Variants in FSIP2 observed in about 807,000 individuals in gnomAD.
The protein encoded by FSIP2 is fibrous sheath-interacting protein 2.
A neutral mutation model predicts 510.5 loss-of-function variants in FSIP2; 367 were observed. The observed-to-expected ratio is 0.72, with a 90% CI of 0.66 to 0.78. FSIP2 has a LOEUF of 0.78. Ranked by LOEUF, FSIP2 falls within the 30% of genes least tolerant of loss-of-function variation. The pLI is 0.00. For missense variants in FSIP2, 7,594 were observed against 7,901.7 expected, an observed-to-expected ratio of 0.96 and a Z score of 1.48; for synonymous variants, 2,601 against 2,732.2, an observed-to-expected ratio of 0.95 and a Z score of 1.50.
intron 13 of FSIP2, among the ~76,000 whole-genome samples, chr2:185,767,923 G>C (rs1453745512): frequency 6.6e-6 from 1 of 152,054 alleles, no homozygotes; most frequent in South Asian, 2.1e-4. Context: ...CGATCATAAG[G>C]TAATTGTTGA....
Position 185,801,944 on chromosome 2 carries a change from T to C in FSIP2, c.12638T>C (p.Met4213Thr). The C allele has an allele frequency of 6.6e-7, 1 of 1,519,994 alleles. No homozygotes were observed. The highest frequency in any genetic ancestry group is 8.8e-7 in the Non-Finnish European group (1 of 1,138,170). 94.2% of individuals were successfully genotyped at this position (1,519,994 alleles called of 1,614,324 possible). The change falls in exon 17 of 23, where the codon ATG (methionine) becomes ACG (threonine). Residue 4213 changes from methionine to threonine, a missense_variant. By Grantham distance (81) the Met-to-Thr change is moderately conservative. Transcript: ENST00000424728. ...TATACTGGAAAAAACCTCCAAAAGA[T>C]GGTGGATTCTGTATATTGTAATATT... The part of the protein sequence containing the change: ...YLYTGKNLQK[M>T]VDSVYCNILQ...
chr2:185,800,677 T>C lies in FSIP2; in HGVS notation c.11371T>C (p.Leu3791=), dbSNP rs904258910. Residue 3791 remains leucine, a synonymous_variant, in exon 17 of 23, where the codon TTA becomes CTA. Transcript: ENST00000424728. ...AACATCAGCAGAAGAATGTCAACTTTTAAAAATGCTTCAAAGTGTAGAAGA... is the reference window on the plus strand; with the variant it reads ...AACATCAGCAGAAGAATGTCAACTTCTAAAAATGCTTCAAAGTGTAGAAGA... ...EETSAEECQL[L]KMLQSVEDGK... 1.3e-6 allele frequency: 2 copies of C among 1,534,064 alleles called. No individual in the cohort carries two copies. The highest frequency in any genetic ancestry group is 2.7e-5 in the African/African-American group (2 of 72,874).
In FSIP2 at chr2:185,808,435, G is replaced by C. The variant is rs990306938; in HGVS notation, c.19129G>C (p.Glu6377Gln). Reference sequence around the variant, plus strand: ...AGATGAAAAAAACTTATCAAAGACTGAGTTAAATAAAATTGCATCTCAACT... The same window carrying C: ...AGATGAAAAAAACTTATCAAAGACTCAGTTAAATAAAATTGCATCTCAACT... ...SKDEKNLSKT[E>Q]LNKIASQLSK... The change falls in exon 17 of 23, where the codon GAG (glutamate) becomes CAG (glutamine). Residue 6377 changes from glutamate (E) to glutamine (Q), a missense_variant. Coordinates refer to ENST00000424728, the MANE Select transcript of FSIP2 (RefSeq NM_173651.4). The C allele has an allele frequency of 8.7e-6, 14 of 1,605,726 alleles. No homozygotes were observed. In the African/African-American group the frequency reaches 1.8e-4, roughly 20 times the overall value.
At chr2:185,754,460 A>G (rs1692203797) in intron 8 of FSIP2, among the ~76,000 whole-genome samples, 1 of 151,454 alleles carries the variant, frequency 6.6e-6, no homozygotes, top group Non-Finnish European at 1.5e-5. Flanking sequence ...AGCTATTGTC[A>G]TAGTATCTCA....
intron 17 of FSIP2, among the ~76,000 whole-genome samples, chr2:185,813,072 AGGGAGTAAAGATT>A (rs1693767191): frequency 6.6e-6 from 1 of 152,096 alleles, no homozygotes; most frequent in Non-Finnish European, 1.5e-5. Context: ...GTGGAGGAAT[AGGGAGTAAAGATT>A]TTAAAACCAT....
chr2:185,786,181 A>G, intron 14 of FSIP2, 71 bp from the exon 15 acceptor site: 1 of 958,124 alleles, frequency 1.0e-6, no homozygotes, highest in South Asian at 1.6e-5. Flanking sequence ...TTCAATAATT[A>G]GAAATTTTGG....
intron 21 of FSIP2, among the ~76,000 whole-genome samples, chr2:185,830,508 T>C (rs72901958): frequency 0.085 from 12,898 of 151,882 alleles, 699 homozygotes; most frequent in Non-Finnish European, 0.12. Context: ...AAGGTCTTTA[T>C]ATAAAATGGT....
At chr2:185,777,817 T>C (rs1053113776) in intron 13 of FSIP2, among the ~76,000 whole-genome samples, 5 of 152,112 alleles carry the variant, frequency 3.3e-5, no homozygotes, top group African/African-American at 1.2e-4. Flanking sequence ...TAATTTTCCT[T>C]TCTCATAGTA....
chr2:185,790,774 A>C lies in FSIP2; in HGVS notation c.3638A>C (p.Glu1213Ala), dbSNP rs2105613148. The C allele has an allele frequency of 6.5e-7, 1 of 1,532,474 alleles. No homozygotes were observed. The highest frequency in any genetic ancestry group is 2.4e-5 in the East Asian group (1 of 40,832). The allele number at this position is 1,532,474 out of a possible 1,614,324, so 94.9% of individuals were successfully genotyped here. A position where few individuals can be genotyped will look rare whatever the true frequency, so the allele number is the denominator to read the frequency against. Residue 1213 changes from glutamate to alanine, a missense_variant, in exon 16 of 23, where the codon GAA becomes GCA. Physicochemically the swap from Glu to Ala is moderately radical, Grantham distance 107 (BLOSUM62 -1). Transcript: ENST00000424728. ...HNSDTEHIVKEAPNKYPLKTW... is the reference protein window; with the variant it reads ...HNSDTEHIVKAAPNKYPLKTW... ...TCTGACACTGAACACATAGTCAAAG[A>C]AGCACCAAATAAATACCCATTAAAA...
rs1010858171 is a variant in FSIP2, at chr2:185,803,588, C to A, written c.14282C>A (p.Ala4761Glu). Residue 4761 changes from alanine (A) to glutamate (E), a missense_variant, in exon 17 of 23, where the codon GCA becomes GAA. Transcript: ENST00000424728. ...TTTAAATCACATTCCAAACTCAGTG[C>A]AAATGTTTTAATACAAAGAGTTCAA... ...LPFKSHSKLS[A>E]NVLIQRVQYD... 2 of 1,531,194 alleles carry A rather than the reference C, an allele frequency of 1.3e-6. No individual in the cohort carries two copies. Among genetic ancestry groups the A allele is most frequent in the African/African-American group, 2.7e-5 (2 of 72,806 alleles). The allele number at this position is 1,531,194 out of a possible 1,614,324, so 94.9% of individuals were successfully genotyped here.
At position 185,803,034 on chromosome 2, in the gene FSIP2, AGCAGG is replaced by A. The variant is rs1222450723; in HGVS notation, c.13729_13733del (p.Ala4577PhefsTer4). ...GTAATGACATTCTTATAGATAGAATAGCAGGTTTCATCATTAAACATATCTGTCAA... is the reference window on the plus strand; with the variant it reads ...GTAATGACATTCTTATAGATAGAATATTTCATCATTAAACATATCTGTCAA... On this transcript the variant is annotated frameshift_variant, in exon 17 of 23. Transcript: ENST00000424728. LOFTEE classifies it high-confidence loss of function. 2 of 1,524,466 alleles carry A rather than the reference AGCAGG, an allele frequency of 1.3e-6. No homozygotes were observed. Among genetic ancestry groups the A allele is most frequent in the Admixed American group, 4.1e-5 (2 of 48,802 alleles). 94.4% of individuals were successfully genotyped at this position (1,524,466 alleles called of 1,614,324 possible).
intron 13 of FSIP2, among the ~76,000 whole-genome samples, chr2:185,767,126 C>T (rs1215023630): frequency 2.1e-5 from 3 of 142,108 alleles, no homozygotes; most frequent in African/African-American, 7.9e-5. Flanking sequence ...AATGAGATCA[C>T]ATGGACACAG....
At chr2:185,779,072 T>C (rs1692786923) in intron 13 of FSIP2, among the ~76,000 whole-genome samples, 1 of 151,986 alleles carries the variant, frequency 6.6e-6, no homozygotes, top group South Asian at 2.1e-4. Context: ...CTTAGTGTTA[T>C]TTGTTTAGAT....
In FSIP2 at chr2:185,792,885, G is replaced by A. The variant is rs1262360188; in HGVS notation, c.5749G>A (p.Ala1917Thr). ...TGACAAGGAGACAAAGGTAAATCTA[G>A]CTGAAGATATTGTACAGGCAATATT... ...VADKETKVNL[A>T]EDIVQAILTN... The change falls in exon 16 of 23, where the codon GCT (alanine) becomes ACT (threonine). Residue 1917 changes from alanine to threonine, a missense_variant. Ala to Thr is a moderately conservative substitution (Grantham distance 58). Coordinates refer to ENST00000424728, the MANE Select transcript of FSIP2 (RefSeq NM_173651.4). The A allele has an allele frequency of 1.3e-6, 2 of 1,534,234 alleles. No individual in the cohort carries two copies. Among genetic ancestry groups the A allele is most frequent in the South Asian group, 2.4e-5 (2 of 84,020 alleles).
intron 7 of FSIP2, among the ~76,000 whole-genome samples, chr2:185,749,247 C>T (rs558056209): frequency 6.6e-6 from 1 of 151,908 alleles, no homozygotes; most frequent in South Asian, 2.1e-4. Context: ...GCACAATTTA[C>T]CTCTTTATAA....
intron 19 of FSIP2, among the ~76,000 whole-genome samples, chr2:185,823,229 A>T (rs1693957077): frequency 4.0e-5 from 6 of 151,892 alleles, no homozygotes; most frequent in Admixed American, 3.9e-4. Flanking sequence ...CATTATAATT[A>T]AAAATTTTGT....
rs139692191 is a variant in FSIP2, at chr2:185,758,178, T to C, written c.1078+1900T>C. 3.5e-3 allele frequency among the ~76,000 whole-genome samples: 523 copies of C among 151,424 alleles called. 3 individuals carry two copies. Among genetic ancestry groups the C allele is most frequent in the African/African-American group, 0.012 (501 of 41,448 alleles). ...CAGCATGTGTCAATAGTTTGTTCCT[T>C]TCCATTGTATGGATGCACCAGTTTG... is the stretch of plus-strand genomic sequence containing the variant. On this transcript the variant is annotated intron_variant, in intron 9 of 22. Coordinates refer to ENST00000424728, the MANE Select transcript of FSIP2 (RefSeq NM_173651.4).
rs762480018 is a variant in FSIP2, at chr2:185,808,904, A to T, written c.19598A>T (p.Asp6533Val). The change falls in exon 17 of 23, where the codon GAT becomes GTT. Residue 6533 changes from aspartate to valine, a missense_variant. Physicochemically the swap from Asp to Val is radical, Grantham distance 152 (BLOSUM62 -3). Coordinates refer to ENST00000424728, the MANE Select transcript of FSIP2 (RefSeq NM_173651.4). ...PHVGKKPVKI[D>V]PKIISEHLAV... ...GTTGGAAAAAAACCAGTCAAAATAG[A>T]TCCAAAAATTATTTCAGAACACTTA... 6 of 1,605,466 alleles carry T rather than the reference A, an allele frequency of 3.7e-6. No individual in the cohort carries two copies. The highest frequency in any genetic ancestry group is 4.2e-6 in the Non-Finnish European group (5 of 1,177,556).
Position 185,749,722 on chromosome 2 carries a change from G to A in FSIP2, c.870+2299G>A, listed in dbSNP as rs563386085. Among the ~76,000 whole-genome samples, 11 of 151,840 alleles carry A rather than the reference G, an allele frequency of 7.2e-5. No homozygotes were observed. In the East Asian group the frequency reaches 2.1e-3, roughly 30 times the overall value. ...TTTTTGACTGGTGATTTGTTTGTTA[G>A]TGGCTCTCTTTGCTAGTGATCTCAA... is the stretch of plus-strand genomic sequence containing the variant. On this transcript the variant is annotated intron_variant, in intron 7 of 22. Transcript: ENST00000424728.
Sources: gnomAD v4.1 joint callset for allele counts (sites outside exome capture counted in the v4.1 genomes callset) on GRCh38, gnomAD v4.1.1 for gene constraint, MANE v1.5 for transcripts, NCBI Gene and HGNC (gene_info 2026-07-23, HGNC 2026-07-21) for gene names.